The following STAG1 variants were observed in gnomAD, a reference collection of about 807,000 sequenced individuals.
STAG1 encodes STAG1 cohesin complex component.
A neutral mutation model predicts 170.9 loss-of-function variants in STAG1; 26 were observed. That is an observed-to-expected ratio of 0.15 (90% CI 0.11 to 0.21). The LOEUF (loss-of-function observed/expected upper bound fraction) is 0.21, where lower values mean the gene tolerates loss of function less well. Among genes scored for constraint, STAG1 ranks in the 10% least tolerant of loss-of-function variants. The pLI is 1.00. For synonymous variants in STAG1, 514 were observed against 497.7 expected (o/e 1.03, Z -0.44); for missense variants, 964 against 1,509.5 (o/e 0.64, Z 5.99).
intron 22 of STAG1, among the ~76,000 whole-genome samples, chr3:136,394,670 C>T (rs2087100844): frequency 6.6e-6 from 1 of 151,640 alleles, no homozygotes; most frequent in Non-Finnish European, 1.5e-5. Context: ...ACCTGTAATC[C>T]CAGCAATTTG....
intron 6 of STAG1, among the ~76,000 whole-genome samples, chr3:136,523,532 C>T (rs1251971493): frequency 3.3e-5 from 5 of 151,984 alleles, no homozygotes; most frequent in South Asian, 2.1e-4. Context: ...AATCTTCTCC[C>T]ATTCTGTAGG....
At chr3:136,371,279 C>T (rs1207138577) in intron 23 of STAG1, among the ~76,000 whole-genome samples, 2 of 152,122 alleles carry the variant, frequency 1.3e-5, no homozygotes, top group African/African-American at 4.8e-5. Flanking sequence ...AAGTAGGTTG[C>T]AAAAATTTTC....
At chr3:136,524,745 C>T (rs573103914) in intron 6 of STAG1, among the ~76,000 whole-genome samples, 10 of 152,244 alleles carry the variant, frequency 6.6e-5, no homozygotes, top group African/African-American at 2.2e-4. Flanking sequence ...TCATAGATAG[C>T]TCTTATTATT....
intron 5 of STAG1, among the ~76,000 whole-genome samples, chr3:136,559,240 T>C (rs1936745992): frequency 6.6e-6 from 1 of 152,078 alleles, no homozygotes; most frequent in Non-Finnish European, 1.5e-5. Context: ...GATTAATATA[T>C]AATAAAGCCA....
intron 15 of STAG1, among the ~76,000 whole-genome samples, chr3:136,434,699 A>G (rs1428949619): frequency 6.6e-6 from 1 of 152,124 alleles, no homozygotes; most frequent in Non-Finnish European, 1.5e-5. Flanking sequence ...TATGGCTTCC[A>G]GGTTTCTTGT....
intron 21 of STAG1, among the ~76,000 whole-genome samples, chr3:136,406,370 A>G (rs987537786): frequency 2.0e-4 from 30 of 152,354 alleles, no homozygotes; most frequent in African/African-American, 7.2e-4. Context: ...AATGAAAAAC[A>G]AATCACTGAT....
intron 3 of STAG1, among the ~76,000 whole-genome samples, chr3:136,621,872 C>A (rs1451143947): frequency 2.6e-5 from 4 of 151,506 alleles, no homozygotes; most frequent in African/African-American, 9.7e-5. Context: ...TGTCATGACT[C>A]TAACCACCGA....
intron 1 of STAG1, among the ~76,000 whole-genome samples, chr3:136,696,025 T>G (rs144422602): frequency 1.3e-5 from 2 of 152,280 alleles, no homozygotes; most frequent in Non-Finnish European, 2.9e-5. Context: ...ATTCAGGACA[T>G]ACACACAGAG....
intron 13 of STAG1, among the ~76,000 whole-genome samples, chr3:136,453,451 C>T (rs1009317599): frequency 8.6e-5 from 13 of 151,802 alleles, no homozygotes; most frequent in Non-Finnish European, 1.2e-4. Flanking sequence ...ATTAGCCGGG[C>T]GTGGTGGCGG....
chr3:136,569,130 TAAGC>T (rs1937176608), intron 4 of STAG1, among the ~76,000 whole-genome samples: 1 of 152,046 alleles, frequency 6.6e-6, no homozygotes, highest in Non-Finnish European at 1.5e-5. Context: ...CAATAATTAT[TAAGC>T]AAGTATAGAT....
At chr3:136,508,431 T>A (rs1186200820) in intron 7 of STAG1, among the ~76,000 whole-genome samples, 1 of 152,174 alleles carries the variant, frequency 6.6e-6, no homozygotes, top group Non-Finnish European at 1.5e-5. Context: ...CTCACATCTG[T>A]AATCCCAGTG....
intron 29 of STAG1, 58 bp from the exon 30 acceptor site, chr3:136,344,064 G>A: frequency 7.4e-7 from 1 of 1,350,724 alleles, no homozygotes; most frequent in Admixed American, 2.4e-5. Context: ...TCTGGTAGCA[G>A]TCATAGCATA....
At chr3:136,654,261 AG>A (rs112519740) in intron 1 of STAG1, among the ~76,000 whole-genome samples, 7 of 152,362 alleles carry the variant, frequency 4.6e-5, no homozygotes, top group African/African-American at 1.4e-4. Context: ...CACACATAAA[AG>A]CTTTAGAATA....
intron 1 of STAG1, among the ~76,000 whole-genome samples, chr3:136,639,185 G>GAA (rs10681540): frequency 0.014 from 1,578 of 115,598 alleles, 37 homozygotes; most frequent in African/African-American, 0.033. Context: ...AAAGAAAAAA[G>GAA]AAAAGAAAAA....
At chr3:136,732,992 C>A (rs1934127864) in intron 1 of STAG1, among the ~76,000 whole-genome samples, 1 of 152,012 alleles carries the variant, frequency 6.6e-6, no homozygotes, top group East Asian at 1.9e-4. Flanking sequence ...AGAAAGTAAC[C>A]TCAGCATTTA....
chr3:136,466,255 A>T (rs898435316), intron 12 of STAG1, among the ~76,000 whole-genome samples: 1 of 152,152 alleles, frequency 6.6e-6, no homozygotes, highest in African/African-American at 2.4e-5. Context: ...AAAACCTTGA[A>T]AAAAGACTAG....
chr3:136,648,537 A>T (rs1941108738), intron 1 of STAG1, among the ~76,000 whole-genome samples: 1 of 152,216 alleles, frequency 6.6e-6, no homozygotes, highest in Admixed American at 6.5e-5. Context: ...TTCTTTTCTA[A>T]CAATCCTCTA....
In STAG1 at chr3:136,410,325, G is replaced by A. The variant is rs374717589; in HGVS notation, c.2196+7560C>T. ...TGAGGCAGGAGAATTGCCTGAACCC[G>A]GGAAGTGGAGGTTGCCTGCAGTGAG... is the stretch of plus-strand genomic sequence containing the variant. On this transcript the variant is annotated intron_variant, in intron 21 of 33. Transcript: ENST00000383202. Among the ~76,000 whole-genome samples the A allele has an allele frequency of 1.5e-4, 22 of 151,710 alleles. No individual in the cohort carries two copies. In the East Asian group the frequency reaches 2.9e-3, roughly 20 times the overall value.
chr3:136,433,734 T>TA, intron 15 of STAG1, 75 bp from the exon 16 acceptor site: 1 of 994,434 alleles, frequency 1.0e-6, no homozygotes, highest in East Asian at 2.5e-5. Context: ...AACACATTAT[T>TA]AAAAAAACTG....
Sources: allele counts gnomAD v4.1 joint callset (sites outside exome capture counted in the v4.1 genomes callset), GRCh38; gene constraint gnomAD v4.1.1; transcripts MANE v1.5; gene names NCBI Gene and HGNC (gene_info 2026-07-23, HGNC 2026-07-21).